Variants in MICU1 observed in about 807,000 individuals in gnomAD.
MICU1 encodes the protein calcium uptake protein 1, mitochondrial.
Under a neutral mutation model 56.8 loss-of-function variants are expected in MICU1, and 45 were observed. The ratio of observed to expected loss-of-function variants is 0.79; its 90% CI spans 0.62 to 1.02. The LOEUF is 1.02. Ranked by LOEUF, MICU1 falls within the 50% of genes least tolerant of loss-of-function variation. The pLI is 0.00. For missense variants in MICU1, 504 were observed against 587.1 expected (o/e 0.86, Z 1.46); for synonymous variants, 186 against 195.1 (o/e 0.95, Z 0.39).
intron 1 of MICU1, among the ~76,000 whole-genome samples, chr10:72,610,930 T>C (rs1841827448): frequency 6.6e-6 from 1 of 152,106 alleles, no homozygotes; most frequent in African/African-American, 2.4e-5. Context: ...TAAATATATT[T>C]ATCAGTACAA....
intron 1 of MICU1, among the ~76,000 whole-genome samples, chr10:72,599,439 A>G (rs1841465049): frequency 6.6e-6 from 1 of 152,190 alleles, no homozygotes; most frequent in Non-Finnish European, 1.5e-5. Context: ...ATGCAACTCC[A>G]TCCCACCTGG....
intron 5 of MICU1, among the ~76,000 whole-genome samples, chr10:72,530,194 G>A (rs1333461022): frequency 1.3e-5 from 2 of 151,290 alleles, no homozygotes; most frequent in African/African-American, 2.4e-5. Context: ...AGCCGGGTGT[G>A]GTGGTGGATG....
At chr10:72,489,407 A>G (rs185496037) in intron 6 of MICU1, among the ~76,000 whole-genome samples, 25 of 152,276 alleles carry the variant, frequency 1.6e-4, no homozygotes, top group African/African-American at 5.3e-4. Flanking sequence ...TAGTTGTAGT[A>G]ATACTACAGA....
chr10:72,530,335 A>AAAT (rs372087915), intron 5 of MICU1, among the ~76,000 whole-genome samples: 8,971 of 64,842 alleles, frequency 0.14, 459 homozygotes, highest in South Asian at 0.25. Context: ...CTCCATATCA[A>AAAT]AATAATAATA....
intron 10 of MICU1, among the ~76,000 whole-genome samples, chr10:72,404,084 G>A (rs1221649776): frequency 6.6e-6 from 1 of 151,848 alleles, no homozygotes; most frequent in Non-Finnish European, 1.5e-5. Flanking sequence ...CTGCCTCCTG[G>A]GTTCTAGCAA....
intron 8 of MICU1, among the ~76,000 whole-genome samples, chr10:72,454,784 A>C (rs371143362): frequency 2.4e-4 from 5 of 21,246 alleles, no homozygotes; most frequent in Admixed American, 9.0e-4. Flanking sequence ...CTCCATCTCA[A>C]AAAAAAAAAA....
intron 4 of MICU1, among the ~76,000 whole-genome samples, chr10:72,534,919 T>C (rs1349233791): frequency 2.6e-5 from 4 of 151,938 alleles, no homozygotes; most frequent in Non-Finnish European, 5.9e-5. Context: ...AAGGCTGATA[T>C]TTATCAGAAC....
intron 4 of MICU1, among the ~76,000 whole-genome samples, chr10:72,544,154 G>A (rs1839842705): frequency 1.3e-5 from 2 of 152,014 alleles, no homozygotes; most frequent in East Asian, 1.9e-4. Context: ...GGTGCATGCA[G>A]CCCCCAGTCA....
intron 1 of MICU1, chr10:72,583,128 GA>G (rs1033638113): frequency 2.7e-4 from 36 of 134,758 alleles, no homozygotes; most frequent in East Asian, 6.3e-4. Flanking sequence ...ATACAAGGCA[GA>G]AAAAAAAAAA....
chr10:72,583,949 C>T (rs1840975517), intron 1 of MICU1, among the ~76,000 whole-genome samples: 1 of 152,148 alleles, frequency 6.6e-6, no homozygotes, highest in Admixed American at 6.5e-5. Context: ...TGAGTATCTT[C>T]CAATAGCAGA....
At chr10:72,434,918 C>T (rs1356239665) in intron 8 of MICU1, among the ~76,000 whole-genome samples, 1 of 152,094 alleles carries the variant, frequency 6.6e-6, no homozygotes, top group East Asian at 1.9e-4. Flanking sequence ...ACCCCTATAC[C>T]AGGCTTGATA....
At chr10:72,583,439 C>A (rs572341059) in intron 1 of MICU1, among the ~76,000 whole-genome samples, 2 of 152,136 alleles carry the variant, frequency 1.3e-5, no homozygotes, top group African/African-American at 4.8e-5. Flanking sequence ...TACCACCACA[C>A]CTGGCTAATT....
chr10:72,405,114 G>A (rs940279681), intron 10 of MICU1, among the ~76,000 whole-genome samples: 3 of 152,048 alleles, frequency 2.0e-5, no homozygotes, highest in African/African-American at 7.3e-5. Flanking sequence ...TCACCATGTT[G>A]GCGAGGCTGG....
intron 5 of MICU1, chr10:72,531,812 A>G (rs933460190): frequency 1.3e-5 from 2 of 152,154 alleles, no homozygotes; most frequent in Admixed American, 6.5e-5. Context: ...GACTTCATAC[A>G]TAACAAAAAA....
intron 9 of MICU1, among the ~76,000 whole-genome samples, chr10:72,416,216 G>A (rs1039209873): frequency 2.6e-5 from 4 of 152,142 alleles, no homozygotes; most frequent in Admixed American, 2.6e-4. Flanking sequence ...GAAAATAATA[G>A]AGGGAAAACT....
At chr10:72,500,306 T>TATATATATATATA (rs1867024421) in intron 6 of MICU1, among the ~76,000 whole-genome samples, 1 of 11,192 alleles carries the variant, frequency 8.9e-5, no homozygotes, top group African/African-American at 2.6e-4. Context: ...ATATATATTT[T>TATATATATATATA]TTTTTTTTTT....
At chr10:72,377,119 T>G (rs1283709013) in intron 10 of MICU1, among the ~76,000 whole-genome samples, 1 of 119,450 alleles carries the variant, frequency 8.4e-6, no homozygotes, top group African/African-American at 2.8e-5. Flanking sequence ...TCAGGATGCG[T>G]ATCTTTCTTT....
chr10:72,588,413 T>C (rs1841127006), intron 1 of MICU1, among the ~76,000 whole-genome samples: 1 of 152,104 alleles, frequency 6.6e-6, no homozygotes, highest in African/African-American at 2.4e-5. Flanking sequence ...ACAACTTACA[T>C]TTTCTGCCCA....
At chr10:72,528,469 A>G (rs568745543) in intron 5 of MICU1, among the ~76,000 whole-genome samples, 1 of 152,346 alleles carries the variant, frequency 6.6e-6, no homozygotes, top group East Asian at 1.9e-4. Flanking sequence ...TAATTAACCA[A>G]GAATTTCCAC....
Sources: gnomAD v4.1 joint callset for allele counts (sites outside exome capture counted in the v4.1 genomes callset) on GRCh38, gnomAD v4.1.1 for gene constraint, MANE v1.5 for transcripts, NCBI Gene and HGNC (gene_info 2026-07-23, HGNC 2026-07-21) for gene names.